The following NDUFA10 variants were observed in gnomAD, a reference collection of about 807,000 sequenced individuals.
NDUFA10 encodes the protein NADH:ubiquinone oxidoreductase subunit A10, also known as NADH dehydrogenase [ubiquinone] 1 alpha subcomplex subunit 10, mitochondrial.
A neutral mutation model predicts 47.8 loss-of-function variants in NDUFA10; 40 were observed. That is an observed-to-expected ratio of 0.84 (90% CI 0.65 to 1.09). NDUFA10 has a LOEUF of 1.09. Ranked by LOEUF, NDUFA10 falls within the 50% of genes least tolerant of loss-of-function variation. The pLI is 0.00. For synonymous variants in NDUFA10, 183 were observed against 172.2 expected, an observed-to-expected ratio of 1.06 and a Z score of -0.49; for missense variants, 413 against 451.1, an observed-to-expected ratio of 0.92 and a Z score of 0.76.
chr2:239,982,869 G>A (rs1351448079), intron 9 of NDUFA10, among the ~76,000 whole-genome samples: 1 of 152,210 alleles, frequency 6.6e-6, no homozygotes, highest in Non-Finnish European at 1.5e-5. Flanking sequence ...TTTCCGCTCA[G>A]CATCTGATGG....
intron 7 of NDUFA10, among the ~76,000 whole-genome samples, chr2:240,005,960 A>C (rs1016546376): frequency 2.0e-5 from 3 of 152,190 alleles, no homozygotes; most frequent in Non-Finnish European, 4.4e-5. Context: ...TAGCCCCTCA[A>C]AATGACAAAA....
intron 7 of NDUFA10, among the ~76,000 whole-genome samples, chr2:240,005,774 T>C (rs570317893): frequency 7.9e-5 from 12 of 152,294 alleles, no homozygotes; most frequent in African/African-American, 2.9e-4. Flanking sequence ...GGGTTGAGTG[T>C]TGCATCACAG....
At chr2:239,894,737 C>T (rs1477225981) in intron 5 of NDUFA10, among the ~76,000 whole-genome samples, 2 of 152,144 alleles carry the variant, frequency 1.3e-5, no homozygotes, top group African/African-American at 4.8e-5. Flanking sequence ...CCTTTTCTCC[C>T]TCACCAACAT....
At chr2:239,991,098 G>T (rs1467072191) in intron 8 of NDUFA10, among the ~76,000 whole-genome samples, 1 of 152,116 alleles carries the variant, frequency 6.6e-6, no homozygotes, top group Non-Finnish European at 1.5e-5. Context: ...CAGGCCCACT[G>T]AGCAAACCCA....
intron 9 of NDUFA10, among the ~76,000 whole-genome samples, chr2:239,967,677 G>A (rs946665052): frequency 6.6e-6 from 1 of 152,204 alleles, no homozygotes; most frequent in Non-Finnish European, 1.5e-5. Context: ...TGGCAACAGC[G>A]GGGAACAGGG....
In NDUFA10 at chr2:240,022,819, G is replaced by C. The variant is rs545727245; in HGVS notation, c.76-479C>G. Among the ~76,000 whole-genome samples, 5 of 152,234 alleles carry C rather than the reference G, an allele frequency of 3.3e-5. No individual in the cohort carries two copies. In the South Asian group the frequency reaches 1.0e-3, roughly 32 times the overall value. On this transcript the variant is annotated intron_variant, in intron 1 of 9. Coordinates refer to ENST00000252711, the MANE Select transcript of NDUFA10 (RefSeq NM_004544.4). ...TTAAACAGCTCCACCTAGATGTCCT[G>C]AAGGCACCTGAAGGTAACAGAGCTA...
intron 4 of NDUFA10, among the ~76,000 whole-genome samples, chr2:239,899,099 G>A (rs1693476233): frequency 2.8e-5 from 1 of 35,668 alleles, no homozygotes; most frequent in African/African-American, 9.6e-5. Context: ...GGGGTGTGGT[G>A]GAGGGGTGTG....
intron 4 of NDUFA10, among the ~76,000 whole-genome samples, chr2:239,902,591 C>T (rs1339925154): frequency 1.3e-5 from 2 of 152,154 alleles, no homozygotes; most frequent in East Asian, 1.9e-4. Context: ...GAACTGAACC[C>T]GCAATACCCC....
At chr2:239,985,449 GAACA>G (rs1695960179) in intron 9 of NDUFA10, among the ~76,000 whole-genome samples, 1 of 144,726 alleles carries the variant, frequency 6.9e-6, no homozygotes, top group Non-Finnish European at 1.5e-5. Context: ...CAGTTTAGAA[GAACA>G]CATCTAGGCT....
At chr2:240,003,737 T>C (rs1696824547) in intron 8 of NDUFA10, among the ~76,000 whole-genome samples, 1 of 152,156 alleles carries the variant, frequency 6.6e-6, no homozygotes, top group Admixed American at 6.5e-5. Context: ...ACGCTGGATA[T>C]GAGGCCTGTA....
intron 9 of NDUFA10, among the ~76,000 whole-genome samples, chr2:239,965,446 T>C (rs1276624527): frequency 6.6e-6 from 1 of 152,142 alleles, no homozygotes; most frequent in Non-Finnish European, 1.5e-5. Flanking sequence ...ATTCATCACA[T>C]GAGAAAACGC....
intron 4 of NDUFA10, among the ~76,000 whole-genome samples, chr2:239,911,951 G>A (rs941197998): frequency 2.0e-5 from 3 of 152,234 alleles, no homozygotes; most frequent in African/African-American, 4.8e-5. Flanking sequence ...GCCCTGGGGG[G>A]TTTCCTGGGA....
chr2:239,983,189 C>T (rs1163049782), intron 9 of NDUFA10, among the ~76,000 whole-genome samples: 2 of 152,164 alleles, frequency 1.3e-5, no homozygotes, highest in Non-Finnish European at 2.9e-5. Context: ...TTCCCCAGTA[C>T]CCAGAGAAGC....
Position 239,960,173 on chromosome 2 carries a change from T to C in NDUFA10, c.*945A>G. The C allele has an allele frequency of 1.0e-6, 1 of 980,072 alleles. No homozygotes were observed. The allele number at this position is 980,072 out of a possible 1,614,324, so 60.7% of individuals were successfully genotyped here. ...GTAGGACTCACAACTGGCAGCCTGA[T>C]TCCTAATGGACACAGTGGAGCTTTA... On this transcript the variant is annotated 3_prime_UTR_variant, in exon 10 of 10. Transcript: ENST00000252711.
rs1203660508 is a variant in NDUFA10, at chr2:239,958,826, C to T, written c.*2292G>A. On this transcript the variant is annotated 3_prime_UTR_variant, in exon 10 of 10. Coordinates refer to ENST00000252711, the MANE Select transcript of NDUFA10 (RefSeq NM_004544.4). ...AACACATGCCTGTATGAATAAAATC[C>T]AGACACAAAACCATACTGCTGCAAC... is the stretch of plus-strand genomic sequence containing the variant. The T allele has an allele frequency of 8.8e-5, 53 of 601,052 alleles. No homozygotes were observed. Among genetic ancestry groups the T allele is most frequent in the Non-Finnish European group, 1.1e-4 (52 of 479,212 alleles). The allele number at this position is 601,052 out of a possible 1,614,324, so 37.2% of individuals were successfully genotyped here.
intron 4 of NDUFA10, among the ~76,000 whole-genome samples, chr2:239,930,866 AGGGGGGGCAGGG>A (rs1694160364): frequency 3.0e-5 from 2 of 65,814 alleles, no homozygotes. Flanking sequence ...CATGCCCAGG[AGGGGGGGCAGGG>A]TCCAGGAGGG....
At chr2:239,950,891 T>C (rs1200000644) in intron 4 of NDUFA10, among the ~76,000 whole-genome samples, 1 of 152,168 alleles carries the variant, frequency 6.6e-6, no homozygotes, top group Non-Finnish European at 1.5e-5. Context: ...TACGGGGCAA[T>C]TGTTCCCACT....
At chr2:239,943,217 C>G (rs1457155365) in intron 4 of NDUFA10, 1 of 154,468 alleles carries the variant, frequency 6.5e-6, no homozygotes, top group Non-Finnish European at 1.5e-5. Flanking sequence ...ACAGAGGCGG[C>G]CTGGGGCTCC....
chr2:240,019,775 C>T lies in NDUFA10; in HGVS notation c.461-1136G>A, dbSNP rs577718176. ...CGGAGCTTGCAGTGAGCCGAGATCC[C>T]GCCACTGCACTCCAGCCTGGGCGAC... On this transcript the variant is annotated intron_variant, in intron 3 of 9. Transcript: ENST00000252711. Among the ~76,000 whole-genome samples, 76 of 26,446 alleles carry T rather than the reference C, an allele frequency of 2.9e-3. 22 individuals are homozygous for T. The highest frequency in any genetic ancestry group is 0.027 in the Middle Eastern group (2 of 74). The allele number at this position is 26,446 out of a possible 152,430, so 17.3% of individuals were successfully genotyped here.
Sources: allele counts gnomAD v4.1 joint callset (sites outside exome capture counted in the v4.1 genomes callset), GRCh38; gene constraint gnomAD v4.1.1; transcripts MANE v1.5; gene names NCBI Gene and HGNC (gene_info 2026-07-23, HGNC 2026-07-21).